MIGA1: variants seen among roughly 807,000 people sequenced by gnomAD.
MIGA1 encodes family with sequence similarity 73, member A.
Under a neutral mutation model 82.0 loss-of-function variants are expected in MIGA1, and 58 were observed. The observed-to-expected ratio is 0.71, with a 90% CI of 0.57 to 0.88. The LOEUF (loss-of-function observed/expected upper bound fraction) is 0.88, where lower values mean the gene tolerates loss of function less well. MIGA1 is among the 40% of genes least tolerant of loss of function. The probability of loss-of-function intolerance (pLI) is 0.00; values close to 1 mark genes in which losing one functional copy is unlikely to be tolerated. For synonymous variants in MIGA1, 249 were observed against 253.6 expected (o/e 0.98, Z 0.17); for missense variants, 751 against 749.1 (o/e 1.00, Z -0.03).
At chr1:77,840,575 G>A (rs1684592099) in intron 7 of MIGA1, among the ~76,000 whole-genome samples, 1 of 152,164 alleles carries the variant, frequency 6.6e-6, no homozygotes, top group African/African-American at 2.4e-5. Flanking sequence ...AGGAGGCGGA[G>A]GCGGAGGCGG....
rs1170657797 is a variant in MIGA1 at position 77,878,394 on chromosome 1, C to CAAAAAAAAAAAAAAAAAAAAAAAAA, written c.*3333_*3357dup. 3 of 35,578 alleles carry CAAAAAAAAAAAAAAAAAAAAAAAAA rather than the reference C, an allele frequency of 8.4e-5. 1 individual carries two copies. The highest frequency in any genetic ancestry group is 4.3e-4 in the Admixed American group (1 of 2,312). 2.2% of individuals were successfully genotyped at this position (35,578 alleles called of 1,614,324 possible). A position where few individuals can be genotyped will look rare whatever the true frequency, so the allele number is the denominator to read the frequency against. On this transcript the variant is annotated 3_prime_UTR_variant, in exon 16 of 16. Transcript: ENST00000370791. ...GGGCAACAAGAGTAAAACTCTGTCT[C>CAAAAAAAAAAAAAAAAAAAAAAAAA]AAAAAAAAAAAAAAAAAAAAAAAAA...
intron 2 of MIGA1, among the ~76,000 whole-genome samples, chr1:77,786,692 A>C (rs1267126209): frequency 6.6e-6 from 1 of 152,208 alleles, no homozygotes; most frequent in Non-Finnish European, 1.5e-5. Flanking sequence ...TGAGTTCCTC[A>C]TCTCCATCTG....
At chr1:77,856,785 G>A (rs1249592280) in intron 8 of MIGA1, among the ~76,000 whole-genome samples, 2 of 151,936 alleles carry the variant, frequency 1.3e-5, no homozygotes, top group African/African-American at 4.8e-5. Flanking sequence ...GGTTAATCTT[G>A]CTAAAGGTCT....
intron 8 of MIGA1, among the ~76,000 whole-genome samples, chr1:77,854,531 G>A (rs1405924721): frequency 6.6e-6 from 1 of 152,166 alleles, no homozygotes; most frequent in Non-Finnish European, 1.5e-5. Flanking sequence ...GTGTAGAAGT[G>A]TTCCCTGATC....
At chr1:77,860,289 C>G in intron 11 of MIGA1, 163 bp downstream of exon 11, 1 of 549,296 alleles carries the variant, frequency 1.8e-6, no homozygotes. Context: ...AAAGTCCACA[C>G]TATTTCAACC....
intron 2 of MIGA1, among the ~76,000 whole-genome samples, chr1:77,797,230 T>A (rs1350332494): frequency 6.6e-6 from 1 of 152,218 alleles, no homozygotes. Flanking sequence ...TTTAGGTGAT[T>A]ATGAGGTCAT....
At chr1:77,789,200 G>GC in intron 2 of MIGA1, among the ~76,000 whole-genome samples, 1 of 129,138 alleles carries the variant, frequency 7.7e-6, no homozygotes, top group Middle Eastern at 4.4e-3. Flanking sequence ...GGGGGCGGTT[G>GC]CTTTTTTTTT....
chr1:77,801,184 G>C, intron 2 of MIGA1, 147 bp from the exon 3 acceptor site: 1 of 536,742 alleles, frequency 1.9e-6, no homozygotes, highest in Non-Finnish European at 3.1e-6. Flanking sequence ...ATCAAATTGG[G>C]CTAGCTTGTC....
chr1:77,830,637 C>G (rs541418842), intron 7 of MIGA1, among the ~76,000 whole-genome samples: 7 of 152,190 alleles, frequency 4.6e-5, no homozygotes, highest in African/African-American at 1.7e-4. Flanking sequence ...GTGTTATAAT[C>G]TTTTTATGTC....
chr1:77,801,476 T>G lies in MIGA1; in HGVS notation c.341T>G (p.Leu114Arg), dbSNP rs751020505. 6.2e-7 allele frequency: 1 copy of G among 1,603,190 alleles called. No homozygotes were observed. Among genetic ancestry groups the G allele is most frequent in the Admixed American group, 1.8e-5 (1 of 56,096 alleles). ...CCATGGGAACCAGAGCACCTCATAC[T>G]TGAATACACTAAAAGAGCAGCATCA... is the stretch of plus-strand genomic sequence containing the variant. The change falls in exon 3 of 16, where the codon CTT (leucine) becomes CGT (arginine). Residue 114 changes from leucine to arginine, a missense_variant. Transcript: ENST00000370791.
chr1:77,830,186 G>A (rs1441340719), intron 7 of MIGA1, among the ~76,000 whole-genome samples: 1 of 152,092 alleles, frequency 6.6e-6, no homozygotes, highest in African/African-American at 2.4e-5. Flanking sequence ...TAGGTCAGCT[G>A]TAGGCAAATT....
chr1:77,795,873 A>G (rs373272612), intron 2 of MIGA1, among the ~76,000 whole-genome samples: 35 of 151,588 alleles, frequency 2.3e-4, no homozygotes, highest in Non-Finnish European at 4.1e-4. Context: ...ACCTCAAGCT[A>G]TCCACCCGCC....
chr1:77,782,009 A>G (rs909649668), intron 1 of MIGA1, among the ~76,000 whole-genome samples: 2 of 150,818 alleles, frequency 1.3e-5, no homozygotes, highest in African/African-American at 4.9e-5. Flanking sequence ...TTTTTGGTGT[A>G]GGCAGGGTTT....
chr1:77,837,346 C>T (rs186637196), intron 7 of MIGA1, among the ~76,000 whole-genome samples: 3 of 152,220 alleles, frequency 2.0e-5, no homozygotes, highest in Non-Finnish European at 4.4e-5. Flanking sequence ...TTAATAGACA[C>T]ATGTAACTAG....
At chr1:77,866,255 A>T in intron 13 of MIGA1, 83 bp from the exon 14 acceptor site, 1 of 1,268,194 alleles carries the variant, frequency 7.9e-7, no homozygotes, top group Admixed American at 1.7e-5. Context: ...AACGTTTTAG[A>T]CCCATAAACT....
intron 1 of MIGA1, among the ~76,000 whole-genome samples, chr1:77,780,383 T>G (rs893342904): frequency 6.6e-6 from 1 of 152,244 alleles, no homozygotes; most frequent in African/African-American, 2.4e-5. Context: ...AAGACTCAGC[T>G]TGTTTTTGCA....
At chr1:77,821,390 ATTT>A (rs199521038) in intron 7 of MIGA1, among the ~76,000 whole-genome samples, 3 of 137,602 alleles carry the variant, frequency 2.2e-5, no homozygotes, top group African/African-American at 2.7e-5. Flanking sequence ...ATAGTTTTAG[ATTT>A]TTTTTTTTTT....
intron 5 of MIGA1, among the ~76,000 whole-genome samples, chr1:77,807,344 T>C (rs1683140851): frequency 2.0e-5 from 3 of 152,044 alleles, no homozygotes; most frequent in South Asian, 4.1e-4. Flanking sequence ...AAAAAAAATT[T>C]TGTAGAGATG....
At chr1:77,846,729 C>A (rs561067638) in intron 8 of MIGA1, among the ~76,000 whole-genome samples, 1 of 152,002 alleles carries the variant, frequency 6.6e-6, no homozygotes, top group Non-Finnish European at 1.5e-5. Flanking sequence ...AGGCAGATCA[C>A]AAGGTCAGGA....
Sources: gnomAD v4.1 joint callset for allele counts (sites outside exome capture counted in the v4.1 genomes callset) on GRCh38, gnomAD v4.1.1 for gene constraint, MANE v1.5 for transcripts, NCBI Gene and HGNC (gene_info 2026-07-23, HGNC 2026-07-21) for gene names.